Variants in TMEM184B observed in about 807,000 individuals in gnomAD.
TMEM184B encodes transmembrane protein 184B, also known as putative MAPK-activating protein FM08.
In TMEM184B, 17 loss-of-function variants were observed where a neutral mutation model predicts 41.8. That is an observed-to-expected ratio of 0.41 (90% CI 0.28 to 0.61). The LOEUF is 0.61. Among genes scored for constraint, TMEM184B ranks in the 20% least tolerant of loss-of-function variants. The probability of loss-of-function intolerance (pLI) is 0.34; values close to 1 mark genes in which losing one functional copy is unlikely to be tolerated. For missense variants in TMEM184B, 393 were observed against 557.8 expected (o/e 0.70, Z 2.98); for synonymous variants, 240 against 229.5 (o/e 1.05, Z -0.41).
intron 3 of TMEM184B, among the ~76,000 whole-genome samples, chr22:38,242,638 G>T (rs1192432054): frequency 6.6e-6 from 1 of 152,224 alleles, no homozygotes; most frequent in East Asian, 1.9e-4. Context: ...GGGTGAGAGG[G>T]GAAATACAAG....
At chr22:38,270,146 C>T (rs903320638) in intron 1 of TMEM184B, among the ~76,000 whole-genome samples, 1 of 152,186 alleles carries the variant, frequency 6.6e-6, no homozygotes, top group Non-Finnish European at 1.5e-5. Context: ...CAGCTCAGAC[C>T]TCCACATCTG....
Position 38,220,543 on chromosome 22 carries a change from TG to T in TMEM184B, c.*925del. On this transcript the variant is annotated 3_prime_UTR_variant, in exon 9 of 9. Transcript: ENST00000361906. ...TGCCGGACTGCCTTCCCCCAGAAGC[TG>T]GTCTGAAACGTGGAGACTCAGACCT... 1 of 985,922 alleles carries T rather than the reference TG, an allele frequency of 1.0e-6. No homozygotes were observed. The highest frequency in any genetic ancestry group is 1.2e-6 in the Non-Finnish European group (1 of 830,030). The allele number at this position is 985,922 out of a possible 1,614,324, so 61.1% of individuals were successfully genotyped here. A position where few individuals can be genotyped will look rare whatever the true frequency, so the allele number is the denominator to read the frequency against.
rs778862415 is a variant in TMEM184B, at chr22:38,221,688, G to A, written c.1005C>T (p.Ser335=). 1.9e-6 allele frequency: 3 copies of A among 1,613,878 alleles called. No homozygotes were observed. The Admixed American group carries it at 5.0e-5, about 27-fold the overall frequency. ...DAQGRCAPMK[S]ISSSLKETMN... is the part of the protein sequence containing the mutation. Reference sequence around the variant, plus strand: ...TGGTCTCCTTGAGGCTGCTGGAGATGCTCTTCATGGGGGCACAGCGGCCTG... The same window carrying A: ...TGGTCTCCTTGAGGCTGCTGGAGATACTCTTCATGGGGGCACAGCGGCCTG... Residue 335 remains serine, a synonymous_variant, in exon 9 of 9, where the codon AGC becomes AGT. Coordinates refer to ENST00000361906, the MANE Select transcript of TMEM184B (RefSeq NM_012264.5).
intron 3 of TMEM184B, among the ~76,000 whole-genome samples, chr22:38,238,698 T>A (rs967557190): frequency 6.6e-6 from 1 of 152,282 alleles, no homozygotes. Context: ...CTGTCATGCA[T>A]TCAAATCTCT....
chr22:38,264,324 T>C (rs1229168713), intron 1 of TMEM184B, among the ~76,000 whole-genome samples: 1 of 151,676 alleles, frequency 6.6e-6, no homozygotes, highest in Non-Finnish European at 1.5e-5. Flanking sequence ...CCAGGAAGTG[T>C]GAACGGTGAC....
At chr22:38,247,302 CAG>C (rs746797888) in intron 2 of TMEM184B, among the ~76,000 whole-genome samples, 16 of 152,222 alleles carry the variant, frequency 1.1e-4, no homozygotes, top group Non-Finnish European at 1.6e-4. Flanking sequence ...GGAAGGTGAA[CAG>C]AGTGACGAGT....
chr22:38,246,946 A>G, intron 2 of TMEM184B: 1 of 1,172,568 alleles, frequency 8.5e-7, no homozygotes, highest in Non-Finnish European at 1.1e-6. Context: ...TTGGACGCAA[A>G]TGGGTTCTAA....
intron 1 of TMEM184B, among the ~76,000 whole-genome samples, chr22:38,253,832 A>G (rs1210605563): frequency 6.6e-6 from 1 of 152,230 alleles, no homozygotes; most frequent in African/African-American, 2.4e-5. Context: ...TAAACAAGCC[A>G]CAGAGTGGAA....
chr22:38,217,976 G>T (rs1483165994), downstream of TMEM184B, among the ~76,000 whole-genome samples: 3 of 152,114 alleles, frequency 2.0e-5, no homozygotes, highest in Non-Finnish European at 4.4e-5. Context: ...CTCAAAAGAA[G>T]AAGAAATTTA....
intron 3 of TMEM184B, among the ~76,000 whole-genome samples, chr22:38,240,551 G>A (rs2091881671): frequency 6.6e-6 from 1 of 152,012 alleles, no homozygotes; most frequent in Non-Finnish European, 1.5e-5. Context: ...AAGTGGAGGG[G>A]AAGAAATGAT....
intron 1 of TMEM184B, among the ~76,000 whole-genome samples, chr22:38,265,082 T>C (rs966318248): frequency 2.0e-5 from 3 of 152,210 alleles, no homozygotes; most frequent in Non-Finnish European, 4.4e-5. Context: ...TGTGTATAGA[T>C]GCACTTTCTC....
At chr22:38,259,339 G>A (rs1275479311) in intron 1 of TMEM184B, among the ~76,000 whole-genome samples, 2 of 152,120 alleles carry the variant, frequency 1.3e-5, no homozygotes, top group Non-Finnish European at 2.9e-5. Context: ...CCCAGAGCCT[G>A]TGAACATGCT....
chr22:38,219,534 A>G lies in TMEM184B; in HGVS notation c.*1935T>C. 1.0e-6 allele frequency: 1 copy of G among 985,820 alleles called. No homozygotes were observed. Among genetic ancestry groups the G allele is most frequent in the Non-Finnish European group, 1.2e-6 (1 of 829,918 alleles). The allele number at this position is 985,820 out of a possible 1,614,324, so 61.1% of individuals were successfully genotyped here. A position where few individuals can be genotyped will look rare whatever the true frequency, so the allele number is the denominator to read the frequency against. ...CTCTACCTGGAAAGAAAATTAAAAA[A>G]AAAAAAGACAAGGTAGGTTATGCAT... On this transcript the variant is annotated 3_prime_UTR_variant, in exon 9 of 9. Transcript: ENST00000361906.
chr22:38,257,568 C>T (rs117154687), intron 1 of TMEM184B, among the ~76,000 whole-genome samples: 6 of 152,190 alleles, frequency 3.9e-5, no homozygotes, highest in East Asian at 3.9e-4. Context: ...ATCACGAAAG[C>T]GCACGTTCCA....
At position 38,221,372 on chromosome 22, in the gene TMEM184B, C is replaced by G. The variant is rs2091254185; in HGVS notation, c.*97G>C. 1 of 1,499,472 alleles carries G rather than the reference C, an allele frequency of 6.7e-7. No homozygotes were observed. Among genetic ancestry groups the G allele is most frequent in the Non-Finnish European group, 8.8e-7 (1 of 1,131,728 alleles). The allele number at this position is 1,499,472 out of a possible 1,614,324, so 92.9% of individuals were successfully genotyped here. A position where few individuals can be genotyped will look rare whatever the true frequency, so the allele number is the denominator to read the frequency against. On this transcript the variant is annotated 3_prime_UTR_variant, in exon 9 of 9. Transcript: ENST00000361906. ...CCAATAAATAAAGGCGGCGTGAGCACTGTGCCAGCTGCCTCCTGGCCTGGT... is the reference window on the plus strand; with the variant it reads ...CCAATAAATAAAGGCGGCGTGAGCAGTGTGCCAGCTGCCTCCTGGCCTGGT...
rs2092465989 is a variant in TMEM184B, at chr22:38,267,849, C to T, written c.-59+5035G>A. Among the ~76,000 whole-genome samples the T allele has an allele frequency of 3.3e-5, 5 of 152,150 alleles. 1 individual carries two copies. In the South Asian group the frequency reaches 6.2e-4, roughly 19 times the overall value. ...ACTTCACTACCTACTGTGTACATTT[C>T]GCCAGACACTGAGCCATGATTAACC... On this transcript the variant is annotated intron_variant, in intron 1 of 8. Transcript: ENST00000361906.
downstream of TMEM184B, among the ~76,000 whole-genome samples, chr22:38,218,493 G>A (rs533905409): frequency 6.6e-6 from 1 of 151,746 alleles, no homozygotes; most frequent in Non-Finnish European, 1.5e-5. Context: ...GGCACAGACC[G>A]AGGTGAGGCC....
Position 38,221,255 on chromosome 22 carries a change from C to T in TMEM184B, c.*214G>A. ...GTCCTCTGCCCTCGCCCGGGCAGTGCAGGCTGGGCCATGTATAAATATTCC... is the reference window on the plus strand; with the variant it reads ...GTCCTCTGCCCTCGCCCGGGCAGTGTAGGCTGGGCCATGTATAAATATTCC... On this transcript the variant is annotated 3_prime_UTR_variant, in exon 9 of 9. Coordinates refer to ENST00000361906, the MANE Select transcript of TMEM184B (RefSeq NM_012264.5). 7.1e-7 allele frequency: 1 copy of T among 1,418,238 alleles called. No individual in the cohort carries two copies. Among genetic ancestry groups the T allele is most frequent in the South Asian group, 1.5e-5 (1 of 64,628 alleles). The allele number at this position is 1,418,238 out of a possible 1,614,324, so 87.9% of individuals were successfully genotyped here.
rs778474755 is a variant in TMEM184B, at chr22:38,247,792, G to C, written c.170C>G (p.Ala57Gly). ...TACCTGGTGGCATGTGATGAGCAGG[G>C]CCGTCCACACGAAGAAGCCAGAGAT... ...QAISGFFVWT[A>G]LLITCHQIYM... Residue 57 changes from alanine to glycine, a missense_variant, in exon 2 of 9, where the codon GCC becomes GGC. Around this residue, in one of 2 missense-constraint regions of TMEM184B, gnomAD observed 122 missense variants for 123.7 expected, o/e 0.99. Coordinates refer to ENST00000361906, the MANE Select transcript of TMEM184B (RefSeq NM_012264.5). The C allele has an allele frequency of 9.9e-6, 16 of 1,613,754 alleles. No homozygotes were observed. The highest frequency in any genetic ancestry group is 1.4e-5 in the Non-Finnish European group (16 of 1,179,940).
Sources: allele counts gnomAD v4.1 joint callset (sites outside exome capture counted in the v4.1 genomes callset), GRCh38; gene constraint gnomAD v4.1.1; regional missense constraint gnomAD v4.1.1; transcripts MANE v1.5; gene names NCBI Gene and HGNC (gene_info 2026-07-23, HGNC 2026-07-21).